The following ABCB4 variants were observed in gnomAD, a reference collection of about 807,000 sequenced individuals.
ABCB4 encodes ATP binding cassette subfamily B member 4.
ABCB4 carries 76 observed loss-of-function variants against 145.7 expected under a neutral mutation model. The observed-to-expected ratio is 0.52, with a 90% CI of 0.43 to 0.63. The LOEUF is 0.63. ABCB4 is among the 30% of genes least tolerant of loss of function. The pLI is 0.00. For missense variants in ABCB4, 1,234 were observed against 1,553.1 expected, an observed-to-expected ratio of 0.79 and a Z score of 3.45; for synonymous variants, 517 against 566.8, an observed-to-expected ratio of 0.91 and a Z score of 1.25.
intron 16 of ABCB4, among the ~76,000 whole-genome samples, chr7:87,425,403 C>T (rs1341085285): frequency 6.6e-6 from 1 of 152,154 alleles, no homozygotes; most frequent in Admixed American, 6.5e-5. Context: ...AATAATGACG[C>T]TCCAAAATGG....
chr7:87,408,359 T>C (rs1808363349), intron 24 of ABCB4, 125 bp from the exon 25 acceptor site: 5 of 998,518 alleles, frequency 5.0e-6, no homozygotes, highest in South Asian at 4.3e-5. Context: ...TTTGGTATAG[T>C]TCTGGTGCCA....
At chr7:87,431,352 G>T in intron 15 of ABCB4, 52 bp downstream of exon 15, 1 of 1,610,080 alleles carries the variant, frequency 6.2e-7, no homozygotes, top group Non-Finnish European at 8.5e-7. Context: ...AATATTTAAA[G>T]AACACTATAT....
chr7:87,391,728 GAA>G, the ABCB4 span: 4 of 1,593,796 alleles, frequency 2.5e-6, no homozygotes, highest in Non-Finnish European at 3.4e-6. Context: ...TATTGGAAAG[GAA>G]AAAAACTCAC....
chr7:87,372,277 C>T, the ABCB4 span, among the ~76,000 whole-genome samples: 1 of 152,130 alleles, frequency 6.6e-6, no homozygotes, highest in Admixed American at 6.5e-5. Context: ...CATTTTCTTC[C>T]AGTTAACTTG....
chr7:87,409,121 T>G (rs1374770087), intron 24 of ABCB4, 115 bp downstream of exon 24: 1 of 1,269,808 alleles, frequency 7.9e-7, no homozygotes, highest in Non-Finnish European at 1.1e-6. Flanking sequence ...TATTACAAAT[T>G]AAATGAAACA....
Position 87,451,700 on chromosome 7 carries a change from T to A in ABCB4, c.631A>T (p.Ile211Phe), listed in dbSNP as rs762642076. 1.2e-6 allele frequency: 2 copies of A among 1,614,210 alleles called. No homozygotes were observed. The highest frequency in any genetic ancestry group is 1.7e-5 in the Admixed American group (1 of 60,022). ...TFFAGFIVGF[I>F]RGWKLTLVIM... ...ACAAGGGTGAGCTTCCATCCTCTGA[T>A]GAATCCCACTATGAATCCTGCAAAA... The change falls in exon 7 of 28, where the codon ATC (isoleucine) becomes TTC (phenylalanine). Residue 211 changes from isoleucine to phenylalanine, a missense_variant. Ile to Phe is a conservative substitution (Grantham distance 21). Around this residue, in one of 7 missense-constraint regions of ABCB4, gnomAD observed 467 missense variants for 632.8 expected, o/e 0.74. Coordinates refer to ENST00000649586, the MANE Select transcript of ABCB4 (RefSeq NM_000443.4).
the ABCB4 span, chr7:87,392,730 G>T: frequency 5.6e-6 from 9 of 1,613,104 alleles, no homozygotes; most frequent in Non-Finnish European, 7.6e-6. Context: ...TTCATTGCAG[G>T]ATTTGATCGT....
chr7:87,444,273 G>A (rs902317857), intron 10 of ABCB4, among the ~76,000 whole-genome samples: 2 of 152,124 alleles, frequency 1.3e-5, no homozygotes, highest in East Asian at 1.9e-4. Context: ...CTTTTCTCAC[G>A]ACTTGGATCA....
chr7:87,419,701 G>C (rs1451543197), intron 19 of ABCB4, among the ~76,000 whole-genome samples: 1 of 149,138 alleles, frequency 6.7e-6, no homozygotes, highest in Non-Finnish European at 1.5e-5. Flanking sequence ...CCAGAAAAGA[G>C]ATACAGGTCT....
chr7:87,449,947 T>C (rs1274253187), intron 8 of ABCB4, 21 bp downstream of exon 8: 6 of 1,614,068 alleles, frequency 3.7e-6, no homozygotes, highest in Non-Finnish European at 5.1e-6. Flanking sequence ...CTTAAACCAG[T>C]GGCTAAAGAA....
At chr7:87,444,074 T>C (rs1434895525) in intron 10 of ABCB4, among the ~76,000 whole-genome samples, 7 of 152,218 alleles carry the variant, frequency 4.6e-5, no homozygotes, top group African/African-American at 1.7e-4. Flanking sequence ...GATATGCATA[T>C]TTATACAAGT....
intron 18 of ABCB4, among the ~76,000 whole-genome samples, chr7:87,421,098 A>G (rs1809383208): frequency 6.6e-6 from 1 of 152,082 alleles, no homozygotes; most frequent in Non-Finnish European, 1.5e-5. Context: ...ACAATTTCCT[A>G]CTTTCTAATT....
At chr7:87,417,991 G>A (rs1171946551) in intron 20 of ABCB4, among the ~76,000 whole-genome samples, 2 of 152,192 alleles carry the variant, frequency 1.3e-5, no homozygotes, top group African/African-American at 2.4e-5. Flanking sequence ...GAAAACAAAG[G>A]TGGCTGTAGC....
intron 4 of ABCB4, 68 bp downstream of exon 4, chr7:87,462,690 C>T (rs994485638): frequency 1.3e-6 from 2 of 1,487,470 alleles, no homozygotes; most frequent in Non-Finnish European, 1.9e-6. Flanking sequence ...ATAGCAAAAT[C>T]AACTCCCAAA....
At position 87,475,473 on chromosome 7, in the gene ABCB4, TGAG is replaced by T; in HGVS notation, c.-6-5_-6-3del. 6.2e-7 allele frequency: 1 copy of T among 1,614,146 alleles called. No homozygotes were observed. Among genetic ancestry groups the T allele is most frequent in the African/African-American group, 1.3e-5 (1 of 75,032 alleles). On this transcript the variant is annotated splice_region_variant and splice_polypyrimidine_tract_variant and intron_variant, in intron 1 of 27. Transcript: ENST00000649586. ...TGCCGCCTCAAGATCCATCTCAGCCTGAGGAGAAACCACAGCCTCAGAACCAAG... is the reference window on the plus strand; with the variant it reads ...TGCCGCCTCAAGATCCATCTCAGCCTGAGAAACCACAGCCTCAGAACCAAG...
intron 13 of ABCB4, 103 bp downstream of exon 13, chr7:87,440,096 A>G (rs146128431): frequency 1.0e-4 from 138 of 1,350,400 alleles, no homozygotes; most frequent in East Asian, 9.1e-4. Context: ...AAGTTGGACA[A>G]TCTTGCATCT....
At chr7:87,449,880 G>A in intron 8 of ABCB4, 88 bp downstream of exon 8, 1 of 1,600,506 alleles carries the variant, frequency 6.2e-7, no homozygotes. Context: ...TATTAGGAAA[G>A]GGAAGGTAAA....
chr7:87,440,944 GT>G (rs971987534), intron 12 of ABCB4, among the ~76,000 whole-genome samples: 1 of 152,148 alleles, frequency 6.6e-6, no homozygotes, highest in Admixed American at 6.5e-5. Flanking sequence ...GTTTCACCAT[GT>G]TAGCCAGGAT....
chr7:87,421,612 G>T (rs1204386189), intron 18 of ABCB4, among the ~76,000 whole-genome samples: 3 of 152,162 alleles, frequency 2.0e-5, no homozygotes, highest in Non-Finnish European at 4.4e-5. Flanking sequence ...GTGCCCACTG[G>T]GTTAAAGAGA....
Sources: allele counts gnomAD v4.1 joint callset (sites outside exome capture counted in the v4.1 genomes callset), GRCh38; gene constraint gnomAD v4.1.1; regional missense constraint gnomAD v4.1.1; transcripts MANE v1.5; gene names NCBI Gene and HGNC (gene_info 2026-07-23, HGNC 2026-07-21).